EHBP1: variants seen among roughly 807,000 people sequenced by gnomAD.
EHBP1 encodes the protein EH domain-binding protein 1.
In EHBP1, 55 loss-of-function variants were observed where a neutral mutation model predicts 144.0. The ratio of observed to expected loss-of-function variants is 0.38; its 90% confidence interval spans 0.31 to 0.48. The LOEUF (loss-of-function observed/expected upper bound fraction) is 0.48. EHBP1 is among the 20% of genes least tolerant of loss of function. EHBP1 has a pLI of 0.98. For missense variants in EHBP1, 1,200 were observed against 1,364.2 expected (o/e 0.88, Z 1.90); for synonymous variants, 469 against 472.7 (o/e 0.99, Z 0.10).
At chr2:62,771,497 A>G (rs936817208) in intron 5 of EHBP1, 105 bp downstream of exon 5, 15 of 774,390 alleles carry the variant, frequency 1.9e-5, no homozygotes, top group Non-Finnish European at 2.9e-5. Context: ...GCCTTAAGAA[A>G]ATTAAATAGT....
intron 7 of EHBP1, among the ~76,000 whole-genome samples, chr2:62,848,428 C>G (rs1013578847): frequency 1.3e-5 from 2 of 152,002 alleles, no homozygotes; most frequent in Non-Finnish European, 2.9e-5. Flanking sequence ...ACCCTCTGAC[C>G]CATTTATTTA....
intron 14 of EHBP1, among the ~76,000 whole-genome samples, chr2:62,975,471 A>G (rs1471544389): frequency 6.6e-6 from 1 of 152,218 alleles, no homozygotes; most frequent in African/African-American, 2.4e-5. Context: ...CAGCATGACT[A>G]TCTGGTTCCC....
intron 7 of EHBP1, among the ~76,000 whole-genome samples, chr2:62,836,184 C>T (rs1454030795): frequency 1.3e-5 from 2 of 152,072 alleles, no homozygotes; most frequent in Non-Finnish European, 2.9e-5. Flanking sequence ...GTCCCTGACC[C>T]CTGACCCCCG....
At chr2:62,968,362 C>A (rs1223665684) in intron 14 of EHBP1, among the ~76,000 whole-genome samples, 2 of 151,822 alleles carry the variant, frequency 1.3e-5, no homozygotes, top group African/African-American at 2.4e-5. Flanking sequence ...TACCAAATAC[C>A]AATAGAGTAT....
At chr2:62,835,853 T>C (rs1402780551) in intron 7 of EHBP1, among the ~76,000 whole-genome samples, 1 of 151,810 alleles carries the variant, frequency 6.6e-6, no homozygotes, top group Non-Finnish European at 1.5e-5. Flanking sequence ...GCCCACGGAA[T>C]CTGGCTGATT....
intron 9 of EHBP1, among the ~76,000 whole-genome samples, chr2:62,869,591 A>G (rs768539824): frequency 6.6e-6 from 1 of 152,226 alleles, no homozygotes; most frequent in Non-Finnish European, 1.5e-5. Flanking sequence ...ATAGTGAGAA[A>G]AAACAGATCA....
At chr2:62,943,716 T>G (rs1454077201) in intron 11 of EHBP1, 86 bp from the exon 12 acceptor site, 1 of 864,698 alleles carries the variant, frequency 1.2e-6, no homozygotes, top group Non-Finnish European at 1.7e-6. Context: ...TATTATTGAA[T>G]GTCAAATTTT....
chr2:62,777,173 T>C (rs568306322), intron 5 of EHBP1, among the ~76,000 whole-genome samples: 1 of 152,226 alleles, frequency 6.6e-6, no homozygotes, highest in East Asian at 1.9e-4. Context: ...AGTCTCCCTT[T>C]GTTGACTAGG....
rs2057192170 is a variant in EHBP1 at position 62,948,482 on chromosome 2, C to G, written c.1636C>G (p.Gln546Glu). Residue 546 changes from glutamine to glutamate, a missense_variant, in exon 13 of 23, where the codon CAA (glutamine) becomes GAA (glutamate). Physicochemically the swap from Gln to Glu is conservative, Grantham distance 29. This residue lies in a region of EHBP1 where 543 missense variants were observed against 513.1 expected (regional missense o/e 1.06). Transcript: ENST00000431489. ...AACAGATACAAACAGTTCTGTTGAT[C>G]AAGAAAAATTCTATGCAGAGCTTAG... ...YETDTNSSVD[Q>E]EKFYAELSDL... The G allele has an allele frequency of 2.5e-6, 4 of 1,613,008 alleles. No individual in the cohort carries two copies. The highest frequency in any genetic ancestry group is 3.4e-6 in the Non-Finnish European group (4 of 1,179,366).
chr2:62,817,853 A>G (rs1453323470), intron 5 of EHBP1, among the ~76,000 whole-genome samples: 5 of 152,038 alleles, frequency 3.3e-5, no homozygotes, highest in Admixed American at 2.0e-4. Flanking sequence ...CAGCTCCTCA[A>G]CTCTTTCACT....
At chr2:62,791,335 A>G (rs895997610) in intron 5 of EHBP1, among the ~76,000 whole-genome samples, 2 of 152,050 alleles carry the variant, frequency 1.3e-5, no homozygotes, top group African/African-American at 4.8e-5. Flanking sequence ...ACTGAGGTAG[A>G]TAATTTGATA....
chr2:62,845,552 T>A (rs933789418), intron 7 of EHBP1, among the ~76,000 whole-genome samples: 1 of 152,122 alleles, frequency 6.6e-6, no homozygotes, highest in Non-Finnish European at 1.5e-5. Flanking sequence ...GTATCCCACC[T>A]TTTATTAGAA....
chr2:62,729,180 G>A (rs1199598731), intron 2 of EHBP1, among the ~76,000 whole-genome samples: 1 of 146,548 alleles, frequency 6.8e-6, no homozygotes, highest in Admixed American at 6.9e-5. Context: ...AGTTCATAGA[G>A]TTTGTCCTTA....
chr2:62,744,422 G>T (rs1040620638), intron 2 of EHBP1, among the ~76,000 whole-genome samples: 2 of 152,058 alleles, frequency 1.3e-5, no homozygotes, highest in African/African-American at 4.8e-5. Flanking sequence ...AGTGTAGCAT[G>T]AATGCTTAAA....
intron 3 of EHBP1, among the ~76,000 whole-genome samples, chr2:62,751,693 T>C (rs2039736494): frequency 6.6e-6 from 1 of 152,226 alleles, no homozygotes. Flanking sequence ...AGATTCAGCT[T>C]CTTCCTGGTT....
chr2:62,987,032 G>C (rs538994287), intron 15 of EHBP1, among the ~76,000 whole-genome samples: 1 of 152,196 alleles, frequency 6.6e-6, no homozygotes, highest in African/African-American at 2.4e-5. Flanking sequence ...TCAAATCCCA[G>C]GGCTACAGAG....
chr2:62,796,702 G>T (rs1354914522), intron 5 of EHBP1, among the ~76,000 whole-genome samples: 1 of 151,992 alleles, frequency 6.6e-6, no homozygotes, highest in Non-Finnish European at 1.5e-5. Flanking sequence ...ACACTTCCAT[G>T]TATTTAATGG....
chr2:62,762,314 A>C (rs2040832768), intron 3 of EHBP1, among the ~76,000 whole-genome samples: 1 of 152,074 alleles, frequency 6.6e-6, no homozygotes, highest in Non-Finnish European at 1.5e-5. Flanking sequence ...TCCGAGACTT[A>C]GTCTTTGGAG....
At position 62,997,248 on chromosome 2, in the gene EHBP1, A is replaced by T. The variant is rs2059669666; in HGVS notation, c.3103+482A>T. 7.2e-5 allele frequency among the ~76,000 whole-genome samples: 11 copies of T among 152,232 alleles called. No homozygotes were observed. The South Asian group carries it at 2.1e-3, about 29-fold the overall frequency. On this transcript the variant is annotated intron_variant, in intron 19 of 22. Transcript: ENST00000431489. ...TTTTTCAAGAGAACAGGTTTTTAAA[A>T]GTCTGTAATACTTTGTGTCACAGTT...
Sources: allele counts gnomAD v4.1 joint callset (sites outside exome capture counted in the v4.1 genomes callset), GRCh38; gene constraint gnomAD v4.1.1; regional missense constraint gnomAD v4.1.1; transcripts MANE v1.5; gene names NCBI Gene and HGNC (gene_info 2026-07-23, HGNC 2026-07-21).